HS3ST4: variants seen among roughly 807,000 people sequenced by gnomAD.
The protein encoded by HS3ST4 is heparan sulfate glucosamine 3-O-sulfotransferase 4.
HS3ST4 carries 17 observed loss-of-function variants against 29.2 expected under a neutral mutation model. The ratio of observed to expected loss-of-function variants is 0.58; its 90% CI spans 0.40 to 0.87. The LOEUF is 0.87. Among genes scored for constraint, HS3ST4 ranks in the 40% least tolerant of loss-of-function variants. HS3ST4 has a pLI of 0.00. For synonymous variants in HS3ST4, 314 were observed against 285.7 expected (o/e 1.10, Z -1.00); for missense variants, 627 against 634.5 (o/e 0.99, Z 0.13).
intron 1 of HS3ST4, among the ~76,000 whole-genome samples, chr16:25,822,479 T>A (rs376675874): frequency 6.6e-6 from 1 of 152,154 alleles, no homozygotes; most frequent in Non-Finnish European, 1.5e-5. Flanking sequence ...CTAGACTTTA[T>A]TTTTTCTCTT....
chr16:26,040,843 T>G (rs2141758607), intron 1 of HS3ST4, among the ~76,000 whole-genome samples: 1 of 152,232 alleles, frequency 6.6e-6, no homozygotes, highest in African/African-American at 2.4e-5. Flanking sequence ...CCTTAAGAGG[T>G]ATGCATCCAT....
intron 1 of HS3ST4, among the ~76,000 whole-genome samples, chr16:25,769,924 C>G (rs1966839766): frequency 6.6e-6 from 1 of 152,200 alleles, no homozygotes; most frequent in Non-Finnish European, 1.5e-5. Flanking sequence ...CATCCTTCCT[C>G]CTTAGATGTC....
At chr16:25,767,700 T>C (rs930036915) in intron 1 of HS3ST4, among the ~76,000 whole-genome samples, 1 of 152,182 alleles carries the variant, frequency 6.6e-6, no homozygotes, top group East Asian at 1.9e-4. Context: ...TGATAACTTC[T>C]GAGCACCCAC....
At chr16:25,999,206 A>G (rs1969183365) in intron 1 of HS3ST4, among the ~76,000 whole-genome samples, 2 of 152,150 alleles carry the variant, frequency 1.3e-5, no homozygotes, top group Admixed American at 1.3e-4. Flanking sequence ...GGCAGGTTGT[A>G]CACTAATTCT....
At position 26,137,103 on chromosome 16, in the gene HS3ST4, A is replaced by T. The variant is rs1419683259; in HGVS notation, c.*855A>T. ...GGGGTTGGCAGAGATGAGTGGCCAT[A>T]TCTGGGGGTAAAAGAAGAAATCCTG... On this transcript the variant is annotated 3_prime_UTR_variant, in exon 2 of 2. Coordinates refer to ENST00000331351, the MANE Select transcript of HS3ST4 (RefSeq NM_006040.3). 2 of 151,940 alleles carry T rather than the reference A, an allele frequency of 1.3e-5. No homozygotes were observed. Among genetic ancestry groups the T allele is most frequent in the African/African-American group, 4.8e-5 (2 of 41,310 alleles). 9.4% of individuals were successfully genotyped at this position (151,940 alleles called of 1,614,324 possible).
At chr16:25,769,647 A>T (rs900620708) in intron 1 of HS3ST4, among the ~76,000 whole-genome samples, 2 of 152,138 alleles carry the variant, frequency 1.3e-5, no homozygotes, top group African/African-American at 4.8e-5. Flanking sequence ...GGAAGCCTTG[A>T]CTTTCTATTG....
chr16:25,720,314 C>T (rs1167242472), intron 1 of HS3ST4, among the ~76,000 whole-genome samples: 1 of 152,072 alleles, frequency 6.6e-6, no homozygotes, highest in African/African-American at 2.4e-5. Flanking sequence ...ATGAAGTCAG[C>T]TAGATAGGTA....
chr16:25,779,769 C>A lies in HS3ST4; in HGVS notation c.734+86618C>A, dbSNP rs979205220. The stretch of plus-strand genomic sequence containing the variant: ...TTGTTTTTAATTCACTCCATAAAGC[C>A]AGGCAGAGAAACAGGAAGGTAAAAA... On this transcript the variant is annotated intron_variant, in intron 1 of 1. Transcript: ENST00000331351. 9.2e-5 allele frequency among the ~76,000 whole-genome samples: 14 copies of A among 152,166 alleles called. 1 individual carries two copies. Among genetic ancestry groups the A allele is most frequent in the African/African-American group, 3.4e-4 (14 of 41,426 alleles).
intron 1 of HS3ST4, among the ~76,000 whole-genome samples, chr16:25,927,159 C>G (rs1056117693): frequency 6.6e-6 from 1 of 152,124 alleles, no homozygotes; most frequent in African/African-American, 2.4e-5. Flanking sequence ...GCTTTCTTTC[C>G]ACATTGATTC....
chr16:26,118,697 C>G (rs1371275575), intron 1 of HS3ST4, among the ~76,000 whole-genome samples: 1 of 152,138 alleles, frequency 6.6e-6, no homozygotes, highest in African/African-American at 2.4e-5. Flanking sequence ...GAGGAGCCAG[C>G]TGTACAAAGA....
intron 1 of HS3ST4, among the ~76,000 whole-genome samples, chr16:25,869,659 A>G (rs1006344774): frequency 8.5e-5 from 13 of 152,110 alleles, no homozygotes; most frequent in African/African-American, 3.1e-4. Context: ...ACATTTATTG[A>G]GTCATCATCT....
At chr16:25,782,161 C>T (rs1008171938) in intron 1 of HS3ST4, among the ~76,000 whole-genome samples, 11 of 152,102 alleles carry the variant, frequency 7.2e-5, no homozygotes, top group African/African-American at 2.4e-4. Flanking sequence ...CAAAATCATC[C>T]GATCTTGTGA....
intron 1 of HS3ST4, among the ~76,000 whole-genome samples, chr16:26,033,428 T>C (rs1969550752): frequency 6.6e-6 from 1 of 150,912 alleles, no homozygotes; most frequent in Non-Finnish European, 1.5e-5. Context: ...GGCAGGAGAA[T>C]TGCTTGAACC....
At chr16:25,911,620 C>T (rs1389417342) in intron 1 of HS3ST4, among the ~76,000 whole-genome samples, 1 of 150,358 alleles carries the variant, frequency 6.7e-6, no homozygotes, top group African/African-American at 2.4e-5. Flanking sequence ...GATCCTCCTG[C>T]CTCAGCCTCC....
At chr16:26,094,102 T>C (rs1303252262) in intron 1 of HS3ST4, among the ~76,000 whole-genome samples, 1 of 152,028 alleles carries the variant, frequency 6.6e-6, no homozygotes, top group Non-Finnish European at 1.5e-5. Context: ...CTCCAAGAAA[T>C]ATGGGACTGT....
At chr16:26,018,375 G>T (rs570015610) in intron 1 of HS3ST4, among the ~76,000 whole-genome samples, 2 of 152,286 alleles carry the variant, frequency 1.3e-5, no homozygotes, top group African/African-American at 4.8e-5. Flanking sequence ...GAAACCAGGA[G>T]ACTGGTTGTG....
At chr16:25,732,399 C>T (rs1030410702) in intron 1 of HS3ST4, among the ~76,000 whole-genome samples, 1 of 152,156 alleles carries the variant, frequency 6.6e-6, no homozygotes, top group Admixed American at 6.5e-5. Flanking sequence ...TGGTGAGCCA[C>T]GTTGATATGC....
At chr16:25,819,155 G>C (rs1200719374) in intron 1 of HS3ST4, among the ~76,000 whole-genome samples, 1 of 152,170 alleles carries the variant, frequency 6.6e-6, no homozygotes, top group African/African-American at 2.4e-5. Flanking sequence ...TGGTAGGGTG[G>C]ATCCATTGCT....
intron 1 of HS3ST4, among the ~76,000 whole-genome samples, chr16:25,732,470 T>C (rs2141594170): frequency 6.6e-6 from 1 of 152,348 alleles, no homozygotes; most frequent in Admixed American, 6.5e-5. Flanking sequence ...ATGATTATTT[T>C]CATGCTAACA....
Sources: allele counts gnomAD v4.1 joint callset (sites outside exome capture counted in the v4.1 genomes callset), GRCh38; gene constraint gnomAD v4.1.1; transcripts MANE v1.5; gene names NCBI Gene and HGNC (gene_info 2026-07-23, HGNC 2026-07-21).